TTC1: variants seen among roughly 807,000 people sequenced by gnomAD.
TTC1 encodes tetratricopeptide repeat domain 1.
A neutral mutation model predicts 37.6 loss-of-function variants in TTC1; 31 were observed. The observed-to-expected ratio is 0.82, with a 90% CI of 0.62 to 1.11. The LOEUF is 1.11. TTC1 is among the 50% of genes most tolerant of loss of function. The pLI, the probability that TTC1 is intolerant of heterozygous loss-of-function variation, is 0.00. For missense variants in TTC1, 351 were observed against 339.0 expected (o/e 1.04, Z -0.28); for synonymous variants, 127 against 122.4 (o/e 1.04, Z -0.25).
At chr5:160,045,522 TCTC>T (rs1561634975) in intron 5 of TTC1, among the ~76,000 whole-genome samples, 22 of 66,722 alleles carry the variant, frequency 3.3e-4, no homozygotes, top group African/African-American at 1.4e-3. Context: ...ACATACACAC[TCTC>T]TCTCTCTCTC....
In TTC1 at chr5:160,057,470, C is replaced by T. The variant is rs746728791; in HGVS notation, c.745+6287C>T. Among the ~76,000 whole-genome samples, 2 of 151,918 alleles carry T rather than the reference C, an allele frequency of 1.3e-5. No individual in the cohort carries two copies. Among genetic ancestry groups the T allele is most frequent in the East Asian group, 3.8e-4 (2 of 5,198 alleles). On this transcript the variant is annotated intron_variant, in intron 7 of 7. Transcript: ENST00000231238. The surrounding 1 kb of genome is among the most constrained non-coding windows in gnomAD (Gnocchi z 4.4). ...TATTAAAAAATGCTGACGATGAGCC[C>T]AGCCTTTAGGGAGTTGTAATCATTT...
Position 160,037,103 on chromosome 5 carries a change from ATAGCTC to A in TTC1, c.504+304_504+309del, listed in dbSNP as rs557611537. 5.3e-4 allele frequency among the ~76,000 whole-genome samples: 80 copies of A among 152,320 alleles called. 1 individual carries two copies. In the South Asian group the frequency reaches 0.014, roughly 26 times the overall value. Reference sequence around the variant, plus strand: ...TGAGCCAAGCAGTGCATGTCCTAGAATAGCTCTAGATCCTTATTTTAGGCCTCTGGA... The same window carrying A: ...TGAGCCAAGCAGTGCATGTCCTAGAATAGATCCTTATTTTAGGCCTCTGGA... On this transcript the variant is annotated intron_variant, in intron 4 of 7. Coordinates refer to ENST00000231238, the MANE Select transcript of TTC1 (RefSeq NM_003314.3).
At chr5:160,012,844 A>G (rs1055011805) in intron 2 of TTC1, among the ~76,000 whole-genome samples, 6 of 152,192 alleles carry the variant, frequency 3.9e-5, no homozygotes, top group African/African-American at 1.4e-4. Context: ...TCACGTTTCT[A>G]TCAAGATAGA....
chr5:160,035,162 G>A lies in TTC1; in HGVS notation c.353G>A (p.Arg118Lys), dbSNP rs1756980714. 2.5e-6 allele frequency: 4 copies of A among 1,604,458 alleles called. No individual in the cohort carries two copies. The highest frequency in any genetic ancestry group is 3.4e-6 in the Non-Finnish European group (4 of 1,176,398). Residue 118 changes from arginine to lysine, a missense_variant, in exon 3 of 8, where the codon AGA (arginine) becomes AAA (lysine). Physicochemically the swap from Arg to Lys is conservative, Grantham distance 26. Transcript: ENST00000231238. Reference sequence around the variant, plus strand: ...CAGAAAAGAAGAGAAGAGAGCACTAGACTAAAGGAGGAGGGAAATGAACAG... The same window carrying A: ...CAGAAAAGAAGAGAAGAGAGCACTAAACTAAAGGAGGAGGGAAATGAACAG... Reference protein sequence around the residue: ...EKQKRREESTRLKEEGNEQFK... With the variant: ...EKQKRREESTKLKEEGNEQFK...
At chr5:160,049,761 C>G in intron 6 of TTC1, 99 bp downstream of exon 6, 3 of 1,127,068 alleles carry the variant, frequency 2.7e-6, no homozygotes, top group Non-Finnish European at 2.4e-6. Flanking sequence ...AATTCCATTT[C>G]TGTGCTTTTG....
Position 160,057,793 on chromosome 5 carries a change from A to G in TTC1, c.745+6610A>G, listed in dbSNP as rs1346306567. 2.0e-5 allele frequency among the ~76,000 whole-genome samples: 3 copies of G among 152,172 alleles called. No individual in the cohort carries two copies. The highest frequency in any genetic ancestry group is 4.4e-5 in the Non-Finnish European group (3 of 68,034). On this transcript the variant is annotated intron_variant, in intron 7 of 7. Transcript: ENST00000231238. The surrounding 1 kb of genome is among the most constrained non-coding windows in gnomAD (Gnocchi z 4.4). Reference sequence around the variant, plus strand: ...GTGCGTGTGTGTGTGTGTGTGACACAGAGCCTCATTCTGTCGCCAGGCTGG... The same window carrying G: ...GTGCGTGTGTGTGTGTGTGTGACACGGAGCCTCATTCTGTCGCCAGGCTGG...
intron 2 of TTC1, among the ~76,000 whole-genome samples, chr5:160,018,022 A>C (rs1756636935): frequency 6.6e-6 from 1 of 152,138 alleles, no homozygotes; most frequent in Non-Finnish European, 1.5e-5. Context: ...TTTCCTCCAA[A>C]ATTCATGTTG....
At position 160,065,075 on chromosome 5, in the gene TTC1, C is replaced by T; in HGVS notation, c.*10C>T. 1 of 1,606,954 alleles carries T rather than the reference C, an allele frequency of 6.2e-7. No individual in the cohort carries two copies. The highest frequency in any genetic ancestry group is 8.5e-7 in the Non-Finnish European group (1 of 1,178,474). On this transcript the variant is annotated 3_prime_UTR_variant, in exon 8 of 8. Coordinates refer to ENST00000231238, the MANE Select transcript of TTC1 (RefSeq NM_003314.3). ...AAATAATAACAGATAACAAAGATAA[C>T]AAAAGCTTTACAAGCTGACTTGGAA...
intron 2 of TTC1, among the ~76,000 whole-genome samples, chr5:160,013,094 A>C (rs568348630): frequency 1.3e-5 from 2 of 152,354 alleles, no homozygotes; most frequent in South Asian, 4.1e-4. Flanking sequence ...ATTTGTAAGA[A>C]TATCTCATAA....
chr5:160,063,390 A>G (rs1367352759), intron 7 of TTC1, among the ~76,000 whole-genome samples: 2 of 151,988 alleles, frequency 1.3e-5, no homozygotes, highest in Non-Finnish European at 2.9e-5. Context: ...TAATTTTTAA[A>G]TTTTTGTAGA....
intron 7 of TTC1, among the ~76,000 whole-genome samples, chr5:160,053,793 T>C (rs1439783935): frequency 6.6e-6 from 1 of 152,234 alleles, no homozygotes; most frequent in African/African-American, 2.4e-5. Flanking sequence ...GTGTTCAGTA[T>C]TCTTTAACTT....
intron 7 of TTC1, among the ~76,000 whole-genome samples, chr5:160,063,966 CTTTTTTTTTT>C (rs34967107): frequency 1.9e-5 from 2 of 106,672 alleles, no homozygotes; most frequent in East Asian, 2.8e-4. Flanking sequence ...TAGACCATGA[CTTTTTTTTTT>C]TTTTTTTTTT....
At chr5:160,009,987 C>T (rs1756466757) in intron 1 of TTC1, among the ~76,000 whole-genome samples, 1 of 152,174 alleles carries the variant, frequency 6.6e-6, no homozygotes, top group Non-Finnish European at 1.5e-5. Flanking sequence ...ATTAGGGCTG[C>T]TTCCTTTTTC....
intron 7 of TTC1, among the ~76,000 whole-genome samples, chr5:160,051,800 C>T (rs1757410706): frequency 1.3e-5 from 2 of 152,176 alleles, no homozygotes; most frequent in South Asian, 4.1e-4. Context: ...GGTTCCTGAA[C>T]ACAGACTTAA....
intron 6 of TTC1, 45 bp from the exon 7 acceptor site, chr5:160,051,081 GGTT>G: frequency 9.1e-7 from 1 of 1,094,292 alleles, no homozygotes; most frequent in Non-Finnish European, 1.3e-6. Context: ...GAAAGGTTTT[GGTT>G]TTTTTTTTTT....
chr5:160,040,034 A>G lies in TTC1; in HGVS notation c.505-3099A>G, dbSNP rs1433021478. On this transcript the variant is annotated intron_variant, in intron 4 of 7. Transcript: ENST00000231238. ...TCATTGTGCAAACATCATAGAGTAT[A>G]CTTACACAAATCTGGATGGTATGGC... Among the ~76,000 whole-genome samples the G allele has an allele frequency of 7.2e-5, 11 of 152,298 alleles. No homozygotes were observed. The South Asian group carries it at 1.0e-3, about 14-fold the overall frequency.
chr5:160,056,291 T>C (rs1250716276), intron 7 of TTC1, among the ~76,000 whole-genome samples: 2 of 152,238 alleles, frequency 1.3e-5, no homozygotes, highest in Non-Finnish European at 2.9e-5. Flanking sequence ...ACCCAGGTTT[T>C]CCACTCATAC....
At chr5:160,043,229 G>A in intron 5 of TTC1, 60 bp downstream of exon 5, 4 of 1,595,948 alleles carry the variant, frequency 2.5e-6, no homozygotes, top group Non-Finnish European at 3.4e-6. Flanking sequence ...AGACAGAGGG[G>A]CTTTGGGTCA....
intron 2 of TTC1, among the ~76,000 whole-genome samples, chr5:160,032,198 T>G (rs1756924108): frequency 6.6e-6 from 1 of 152,230 alleles, no homozygotes; most frequent in Admixed American, 6.5e-5. Context: ...GCAATCTGAT[T>G]GATTCATCTG....
Sources: allele counts gnomAD v4.1 joint callset (sites outside exome capture counted in the v4.1 genomes callset), GRCh38; gene constraint gnomAD v4.1.1; non-coding constraint Gnocchi (gnomAD v3.1); transcripts MANE v1.5; gene names NCBI Gene and HGNC (gene_info 2026-07-23, HGNC 2026-07-21).